CNBD1: variants seen among roughly 807,000 people sequenced by gnomAD.
CNBD1 encodes the protein cyclic nucleotide binding domain containing 1.
CNBD1 carries 71 observed loss-of-function variants against 54.4 expected under a neutral mutation model. The ratio of observed to expected loss-of-function variants is 1.30; its 90% CI spans 1.08 to 1.59. The LOEUF is 1.59. CNBD1 is among the 40% of genes most tolerant of loss of function. The pLI is 0.00. For missense variants in CNBD1, 659 were observed against 518.0 expected (o/e 1.27, Z -2.64); for synonymous variants, 182 against 170.7 (o/e 1.07, Z -0.51).
chr8:87,209,692 C>A (rs1303052672), intron 5 of CNBD1, among the ~76,000 whole-genome samples: 1 of 152,048 alleles, frequency 6.6e-6, no homozygotes, highest in African/African-American at 2.4e-5. Flanking sequence ...TCATATGGAA[C>A]CACAAAAGAA....
At chr8:87,180,407 C>A (rs188775871) in intron 4 of CNBD1, among the ~76,000 whole-genome samples, 1 of 151,994 alleles carries the variant, frequency 6.6e-6, no homozygotes, top group Non-Finnish European at 1.5e-5. Context: ...AAGCCTAATA[C>A]GTTACTGTGT....
At chr8:87,158,090 A>G (rs564666695) in intron 4 of CNBD1, among the ~76,000 whole-genome samples, 3 of 152,302 alleles carry the variant, frequency 2.0e-5, no homozygotes, top group African/African-American at 7.2e-5. Flanking sequence ...TATTGTGTAC[A>G]AAGTGCATAA....
intron 4 of CNBD1, among the ~76,000 whole-genome samples, chr8:87,165,678 T>G (rs1812946919): frequency 6.6e-6 from 1 of 151,908 alleles, no homozygotes; most frequent in South Asian, 2.1e-4. Context: ...CGCATATAGT[T>G]GGATCTCGTG....
chr8:86,985,126 G>A (rs898398609), intron 4 of CNBD1, among the ~76,000 whole-genome samples: 4 of 152,142 alleles, frequency 2.6e-5, no homozygotes, highest in African/African-American at 9.7e-5. Context: ...GTTTTAAAAA[G>A]GAGATTTTCC....
chr8:87,178,606 C>T (rs892104538), intron 4 of CNBD1, among the ~76,000 whole-genome samples: 1 of 152,148 alleles, frequency 6.6e-6, no homozygotes, highest in Non-Finnish European at 1.5e-5. Context: ...TAGCGACAAA[C>T]CTGACTTCCA....
intron 2 of CNBD1, among the ~76,000 whole-genome samples, chr8:87,392,708 C>G (rs1368198572): frequency 2.0e-5 from 3 of 151,826 alleles, no homozygotes; most frequent in Admixed American, 6.6e-5. Context: ...TTGGGGGTGA[C>G]AAAAACATTC....
chr8:86,879,443 T>C (rs1017077285), intron 1 of CNBD1, among the ~76,000 whole-genome samples: 4 of 152,196 alleles, frequency 2.6e-5, no homozygotes, highest in Non-Finnish European at 5.9e-5. Flanking sequence ...TTTCAAAAAG[T>C]GTCACTGGTT....
At chr8:87,364,975 T>C (rs1443371479) in intron 10 of CNBD1, among the ~76,000 whole-genome samples, 1 of 152,070 alleles carries the variant, frequency 6.6e-6, no homozygotes, top group Non-Finnish European at 1.5e-5. Context: ...GTCTTTATAA[T>C]AGAACTATTC....
chr8:87,162,336 T>G (rs908496510), intron 4 of CNBD1, among the ~76,000 whole-genome samples: 2 of 152,162 alleles, frequency 1.3e-5, no homozygotes, highest in Non-Finnish European at 2.9e-5. Flanking sequence ...TAAAGCTTTG[T>G]GATGGTAAAA....
intron 6 of CNBD1, among the ~76,000 whole-genome samples, chr8:87,257,387 G>GAAAAAAAAAAAAAA (rs1554573274): frequency 9.3e-5 from 10 of 107,010 alleles, no homozygotes; most frequent in African/African-American, 1.2e-4. Context: ...AAAAAAAAAG[G>GAAAAAAAAAAAAAA]AAATGACAAT....
intron 4 of CNBD1, among the ~76,000 whole-genome samples, chr8:87,122,225 C>T (rs761387231): frequency 6.6e-6 from 1 of 151,904 alleles, no homozygotes; most frequent in Middle Eastern, 3.4e-3. Flanking sequence ...TCTCACCAAA[C>T]CTTATCTTTC....
At chr8:87,405,962 C>G (rs1807645467) in intron 2 of CNBD1, among the ~76,000 whole-genome samples, 2 of 152,230 alleles carry the variant, frequency 1.3e-5, no homozygotes, top group Admixed American at 1.3e-4. Context: ...GGAGATTGAT[C>G]ATCCAGTGAC....
chr8:87,344,871 G>A (rs62526805), intron 8 of CNBD1, among the ~76,000 whole-genome samples: 6,631 of 152,180 alleles, frequency 0.044, 190 homozygotes, highest in Non-Finnish European at 0.06. Context: ...GTTAGGCAGT[G>A]TTAGGATGAG....
At position 87,371,707 on chromosome 8, in the gene CNBD1, C is replaced by A. The variant is rs996088104; in HGVS notation, c.1304-10913C>A. Among the ~76,000 whole-genome samples the A allele has an allele frequency of 3.3e-3, 508 of 152,036 alleles. 2 individuals carry two copies. Among genetic ancestry groups the A allele is most frequent in the African/African-American group, 0.011 (439 of 41,478 alleles). Reference sequence around the variant, plus strand: ...TATATGCAAATCAATAAATGTAATCCAGCGTATAAACAGAACCAAAGACAA... The same window carrying A: ...TATATGCAAATCAATAAATGTAATCAAGCGTATAAACAGAACCAAAGACAA... On this transcript the variant is annotated intron_variant, in intron 10 of 10. Coordinates refer to ENST00000518476, the MANE Select transcript of CNBD1 (RefSeq NM_173538.3).
At chr8:86,958,669 TC>T (rs1301868672) in intron 4 of CNBD1, among the ~76,000 whole-genome samples, 1 of 152,212 alleles carries the variant, frequency 6.6e-6, no homozygotes, top group African/African-American at 2.4e-5. Context: ...TTTTTTGTTT[TC>T]CATTTCCTTG....
intron 10 of CNBD1, among the ~76,000 whole-genome samples, chr8:87,380,156 A>C (rs1302148628): frequency 1.3e-5 from 2 of 151,996 alleles, no homozygotes; most frequent in Non-Finnish European, 2.9e-5. Flanking sequence ...CTAAAAGATT[A>C]ATATAATTTA....
At chr8:86,926,758 G>A (rs892060031) in intron 3 of CNBD1, among the ~76,000 whole-genome samples, 7 of 152,128 alleles carry the variant, frequency 4.6e-5, no homozygotes, top group African/African-American at 1.7e-4. Context: ...ACTCCACCTG[G>A]GATTGCAGAG....
At chr8:87,388,186 TA>T (rs1811231448) in intron 2 of CNBD1, among the ~76,000 whole-genome samples, 1 of 151,812 alleles carries the variant, frequency 6.6e-6, no homozygotes, top group South Asian at 2.1e-4. Context: ...ACATCACAAT[TA>T]AAAGAACTAG....
At chr8:87,069,005 G>A (rs764353189) in intron 4 of CNBD1, among the ~76,000 whole-genome samples, 1 of 152,080 alleles carries the variant, frequency 6.6e-6, no homozygotes, top group Non-Finnish European at 1.5e-5. Flanking sequence ...TGCATGTGAC[G>A]TAGGAACTAA....
Sources: allele counts gnomAD v4.1 joint callset (sites outside exome capture counted in the v4.1 genomes callset), GRCh38; gene constraint gnomAD v4.1.1; transcripts MANE v1.5; gene names NCBI Gene and HGNC (gene_info 2026-07-23, HGNC 2026-07-21).